NKD1: variants seen among roughly 807,000 people sequenced by gnomAD.
NKD1 encodes protein naked cuticle homolog 1.
Under a neutral mutation model 56.0 loss-of-function variants are expected in NKD1, and 21 were observed. That is an observed-to-expected ratio of 0.38 (90% confidence interval 0.27 to 0.54). The LOEUF (loss-of-function observed/expected upper bound fraction) is 0.54, where lower values mean the gene tolerates loss of function less well. NKD1 is among the 20% of genes least tolerant of loss of function. The pLI, the probability that NKD1 is intolerant of heterozygous loss-of-function variation, is 0.82. For missense variants in NKD1, 578 were observed against 642.7 expected (o/e 0.90, Z 1.09); for synonymous variants, 263 against 265.7 (o/e 0.99, Z 0.10).
chr16:50,606,709 G>C (rs1177372679), intron 3 of NKD1: 1 of 438,080 alleles, frequency 2.3e-6, no homozygotes, highest in East Asian at 7.2e-5. Flanking sequence ...CCCGGCTGCA[G>C]TGCAGTCAGG....
chr16:50,612,529 T>C (rs540083862), intron 4 of NKD1, among the ~76,000 whole-genome samples: 6 of 152,308 alleles, frequency 3.9e-5, no homozygotes, highest in Admixed American at 1.3e-4. Flanking sequence ...CAGGGATGAA[T>C]ACATAAATCT....
intron 4 of NKD1, among the ~76,000 whole-genome samples, chr16:50,613,032 T>C (rs1438128463): frequency 6.6e-6 from 1 of 150,926 alleles, no homozygotes; most frequent in Non-Finnish European, 1.5e-5. Context: ...GGGCTGGAGG[T>C]TGGAGCTGGT....
chr16:50,573,358 T>A (rs753450660), intron 3 of NKD1, among the ~76,000 whole-genome samples: 1 of 152,228 alleles, frequency 6.6e-6, no homozygotes, highest in African/African-American at 2.4e-5. Context: ...AGTTGCCCTG[T>A]GGGCAGGTGG....
At position 50,627,397 on chromosome 16, in the gene NKD1, G is replaced by A. The variant is rs79216300; in HGVS notation, c.462+1817G>A. Among the ~76,000 whole-genome samples the A allele has an allele frequency of 3.3e-5, 5 of 152,314 alleles. No homozygotes were observed. In the East Asian group the frequency reaches 9.7e-4, roughly 29 times the overall value. ...GTCCTTCACTGCTTTGATAATGAGA[G>A]GAAGGGAGAGAGGGTTTCCAAGGAA... On this transcript the variant is annotated intron_variant, in intron 6 of 9. Transcript: ENST00000268459.
chr16:50,625,866 G>A (rs1962201571), intron 6 of NKD1, among the ~76,000 whole-genome samples: 1 of 152,226 alleles, frequency 6.6e-6, no homozygotes, highest in African/African-American at 2.4e-5. Context: ...CAGAGCCCTA[G>A]GGCCTCTCTG....
chr16:50,568,484 G>C (rs192166110), intron 3 of NKD1, among the ~76,000 whole-genome samples: 181 of 152,318 alleles, frequency 1.2e-3, no homozygotes, highest in Non-Finnish European at 1.5e-3. Context: ...GCTTTCAGGA[G>C]AATTAAGTGA....
chr16:50,595,262 A>G (rs1961449547), intron 3 of NKD1, among the ~76,000 whole-genome samples: 1 of 152,090 alleles, frequency 6.6e-6, no homozygotes, highest in African/African-American at 2.4e-5. Flanking sequence ...TTGAGCCCTT[A>G]GTTTCCCCAT....
chr16:50,551,211 T>C (rs1001349364), intron 3 of NKD1, among the ~76,000 whole-genome samples: 1 of 139,304 alleles, frequency 7.2e-6, no homozygotes, highest in Non-Finnish European at 1.6e-5. Context: ...TGCAGGCCAC[T>C]AAAGTTGCCA....
At chr16:50,608,859 G>T (rs949913218) in intron 4 of NKD1, among the ~76,000 whole-genome samples, 16 of 152,140 alleles carry the variant, frequency 1.1e-4, no homozygotes, top group Non-Finnish European at 2.1e-4. Context: ...ATGGGGTCTT[G>T]CTCTGTCACC....
At position 50,549,455 on chromosome 16, in the gene NKD1, G is replaced by A; in HGVS notation, c.92G>A (p.Arg31Gln). The A allele has an allele frequency of 1.2e-6, 2 of 1,611,366 alleles. No homozygotes were observed. Among genetic ancestry groups the A allele is most frequent in the South Asian group, 1.1e-5 (1 of 90,952 alleles). The change falls in exon 3 of 10, where the codon CGG becomes CAG. Residue 31 changes from arginine (R) to glutamine (Q), a missense_variant. Transcript: ENST00000268459. ...DSFAVSAAWA[R>Q]KGIEEWIGRQ... ...TTCGCCGTGAGCGCTGCCTGGGCTCGGAAGGGCATCGAGGAGTGGATCGGG... is the reference window on the plus strand; with the variant it reads ...TTCGCCGTGAGCGCTGCCTGGGCTCAGAAGGGCATCGAGGAGTGGATCGGG...
intron 1 of NKD1, 38 bp from the exon 2 acceptor site, chr16:50,548,679 G>C: frequency 6.8e-7 from 1 of 1,462,962 alleles, no homozygotes. Context: ...CGCCGCCGCG[G>C]CTGCCGCCGC....
chr16:50,608,342 G>T lies in NKD1; in HGVS notation c.241G>T (p.Asp81Tyr). Residue 81 changes from aspartate (D) to tyrosine (Y), a missense_variant, in exon 4 of 10, where the codon GAC becomes TAC. Asp to Tyr is a radical substitution (Grantham distance 160). Coordinates refer to ENST00000268459, the MANE Select transcript of NKD1 (RefSeq NM_033119.5). ...AGACACGCTCAGCGAGGAAGAGGAG[G>T]ACGACTTTCGGCTGGAAGGTATTCG... ...LRDTLSEEEEDDFRLEVALPP... is the reference protein window; with the variant it reads ...LRDTLSEEEEYDFRLEVALPP... 6.2e-7 allele frequency: 1 copy of T among 1,613,058 alleles called. No homozygotes were observed. Among genetic ancestry groups the T allele is most frequent in the Non-Finnish European group, 8.5e-7 (1 of 1,179,460 alleles).
At chr16:50,606,437 G>A (rs1371885436) in intron 3 of NKD1, 2 of 272,506 alleles carry the variant, frequency 7.3e-6, no homozygotes, top group Admixed American at 8.9e-5. Flanking sequence ...GTTCTCCAGA[G>A]CAGGGTACTG....
At chr16:50,625,423 C>A in intron 5 of NKD1, 62 bp from the exon 6 acceptor site, 1 of 1,197,148 alleles carries the variant, frequency 8.4e-7, no homozygotes. Flanking sequence ...GCCCAGGCTT[C>A]CACTACCCAG....
chr16:50,605,293 T>G (rs747633230), intron 3 of NKD1, among the ~76,000 whole-genome samples: 5 of 152,246 alleles, frequency 3.3e-5, no homozygotes, highest in Non-Finnish European at 7.3e-5. Flanking sequence ...CTGTTTCTGG[T>G]CTCATACAGT....
chr16:50,606,757 G>A, intron 3 of NKD1: 1 of 455,300 alleles, frequency 2.2e-6, no homozygotes, highest in Middle Eastern at 3.3e-4. Flanking sequence ...GAAGACCTCA[G>A]CATGAAGAGG....
chr16:50,608,599 C>T (rs1275422318), intron 4 of NKD1: 6 of 577,236 alleles, frequency 1.0e-5, no homozygotes, highest in Middle Eastern at 4.6e-4. Flanking sequence ...ATGTCCTGGC[C>T]CTGCACCGGA....
At chr16:50,625,652 C>A in intron 6 of NKD1, 72 bp downstream of exon 6, 1 of 922,728 alleles carries the variant, frequency 1.1e-6, no homozygotes, top group Non-Finnish European at 1.8e-6. Context: ...AGCACCCTGC[C>A]ACTGCCACTT....
chr16:50,647,532 G>C lies in NKD1; in HGVS notation c.*13751G>C, dbSNP rs1326109268. The C allele has an allele frequency of 2.0e-5, 3 of 152,226 alleles. No individual in the cohort carries two copies. The highest frequency in any genetic ancestry group is 7.2e-5 in the African/African-American group (3 of 41,450). The allele number at this position is 152,226 out of a possible 1,614,324, so 9.4% of individuals were successfully genotyped here. ...GTGGTCCTGGGAAAGACAGGGAGGA[G>C]AGTGGGGAAGTGAGGCAGAAAAGGA... On this transcript the variant is annotated 3_prime_UTR_variant, in exon 10 of 10. Coordinates refer to ENST00000268459, the MANE Select transcript of NKD1 (RefSeq NM_033119.5).
Sources: gnomAD v4.1 joint callset for allele counts (sites outside exome capture counted in the v4.1 genomes callset) on GRCh38, gnomAD v4.1.1 for gene constraint, MANE v1.5 for transcripts, NCBI Gene and HGNC (gene_info 2026-07-23, HGNC 2026-07-21) for gene names.